Variants in ASCC3 observed in about 807,000 individuals in gnomAD.
The protein encoded by ASCC3 is activating signal cointegrator 1 complex subunit 3.
ASCC3 carries 158 observed loss-of-function variants against 256.3 expected under a neutral mutation model. The ratio of observed to expected loss-of-function variants is 0.62; its 90% CI spans 0.54 to 0.70. The LOEUF is 0.70. Ranked by LOEUF, ASCC3 falls within the 30% of genes least tolerant of loss-of-function variation. ASCC3 has a pLI of 0.00. For missense variants in ASCC3, 2,259 were observed against 2,626.0 expected, an observed-to-expected ratio of 0.86 and a Z score of 3.05; for synonymous variants, 948 against 883.4, an observed-to-expected ratio of 1.07 and a Z score of -1.30.
chr6:100,821,885 C>T (rs1289589819), intron 4 of ASCC3, among the ~76,000 whole-genome samples: 1 of 151,908 alleles, frequency 6.6e-6, no homozygotes, highest in African/African-American at 2.4e-5. Flanking sequence ...ACTATGAAAA[C>T]GTTTTGCTAA....
intron 10 of ASCC3, among the ~76,000 whole-genome samples, chr6:100,745,503 CCA>C (rs1456841917): frequency 3.2e-4 from 3 of 9,330 alleles, no homozygotes; most frequent in Non-Finnish European, 2.3e-3. Flanking sequence ...AAAAACCTAA[CCA>C]AAAAAAAAAA....
intron 41 of ASCC3, 83 bp from the exon 42 acceptor site, chr6:100,509,616 G>A: frequency 7.2e-7 from 1 of 1,387,084 alleles, no homozygotes; most frequent in Non-Finnish European, 1.0e-6. Context: ...TTTGGTAGTA[G>A]GAGGCTGGGT....
intron 4 of ASCC3, among the ~76,000 whole-genome samples, chr6:100,815,029 G>A (rs1770671705): frequency 1.3e-5 from 2 of 151,814 alleles, no homozygotes; most frequent in African/African-American, 2.4e-5. Context: ...GTGATGTTAG[G>A]TTGTTAAATT....
intron 36 of ASCC3, among the ~76,000 whole-genome samples, chr6:100,581,044 G>A (rs1383282145): frequency 2.6e-5 from 4 of 151,984 alleles, no homozygotes; most frequent in African/African-American, 9.7e-5. Flanking sequence ...ATAAACATAC[G>A]TGTGCATGTG....
At chr6:100,702,204 C>T (rs1778389674) in intron 13 of ASCC3, among the ~76,000 whole-genome samples, 1 of 151,696 alleles carries the variant, frequency 6.6e-6, no homozygotes, top group Admixed American at 6.6e-5. Flanking sequence ...GTAGTGGTGG[C>T]AGAAAGAGGA....
chr6:100,671,657 T>G (rs994117040), intron 14 of ASCC3, among the ~76,000 whole-genome samples: 1 of 151,988 alleles, frequency 6.6e-6, no homozygotes, highest in African/African-American at 2.4e-5. Flanking sequence ...GCTAAGATAA[T>G]CCATCAGCAC....
chr6:100,796,010 G>C (rs971929812), intron 8 of ASCC3, among the ~76,000 whole-genome samples: 8 of 152,006 alleles, frequency 5.3e-5, no homozygotes, highest in Non-Finnish European at 2.9e-5. Flanking sequence ...ATAGCAAATG[G>C]TTTATTTATT....
intron 8 of ASCC3, among the ~76,000 whole-genome samples, chr6:100,777,740 G>A (rs769120523): frequency 2.6e-5 from 4 of 152,094 alleles, no homozygotes; most frequent in Non-Finnish European, 4.4e-5. Context: ...AATGTTGAAG[G>A]AACTGTACAG....
intron 25 of ASCC3, among the ~76,000 whole-genome samples, chr6:100,632,588 T>A (rs1311488265): frequency 6.6e-6 from 1 of 152,014 alleles, no homozygotes; most frequent in Non-Finnish European, 1.5e-5. Flanking sequence ...GCTACAGTAA[T>A]CATAACAGTG....
chr6:100,872,470 G>GA (rs1463377053), intron 1 of ASCC3, among the ~76,000 whole-genome samples: 4 of 125,514 alleles, frequency 3.2e-5, no homozygotes, highest in East Asian at 5.7e-4. Flanking sequence ...AAAAAGGGTC[G>GA]GGGGGGGATC....
chr6:100,690,900 T>C (rs928067193), intron 13 of ASCC3, among the ~76,000 whole-genome samples: 2 of 152,132 alleles, frequency 1.3e-5, no homozygotes, highest in Non-Finnish European at 2.9e-5. Flanking sequence ...CAGGTTATTA[T>C]TACTGAATTA....
chr6:100,848,211 ATCT>A lies in ASCC3; in HGVS notation c.735_737del (p.Glu245del), dbSNP rs1424479530. 1 of 1,613,478 alleles carries A rather than the reference ATCT, an allele frequency of 6.2e-7. No homozygotes were observed. Among genetic ancestry groups the A allele is most frequent in the Non-Finnish European group, 8.5e-7 (1 of 1,179,822 alleles). On this transcript the variant is annotated inframe_deletion, in exon 4 of 42. Transcript: ENST00000369162. Reference sequence around the variant, plus strand: ...GCATATCATATAAAGTACAGCAAAGATCTTCTACTCTTGGCACTTCAGTCATTT... The same window carrying A: ...GCATATCATATAAAGTACAGCAAAGATCTACTCTTGGCACTTCAGTCATTT...
chr6:100,595,871 T>C (rs1772266347), intron 34 of ASCC3, among the ~76,000 whole-genome samples: 1 of 152,228 alleles, frequency 6.6e-6, no homozygotes, highest in African/African-American at 2.4e-5. Context: ...ACAACTTTAT[T>C]AATTCCAATT....
At chr6:100,549,242 A>C (rs1769172775) in intron 36 of ASCC3, among the ~76,000 whole-genome samples, 1 of 152,020 alleles carries the variant, frequency 6.6e-6, no homozygotes, top group Admixed American at 6.6e-5. Context: ...CTGAAAAAGT[A>C]TCTTGAATAT....
chr6:100,729,126 C>A (rs1205550090), intron 10 of ASCC3, among the ~76,000 whole-genome samples: 3 of 151,998 alleles, frequency 2.0e-5, no homozygotes, highest in African/African-American at 7.3e-5. Flanking sequence ...AAGACTGGTA[C>A]TTTAACAACA....
chr6:100,779,907 T>C (rs544224242), intron 8 of ASCC3, among the ~76,000 whole-genome samples: 1 of 152,178 alleles, frequency 6.6e-6, no homozygotes, highest in South Asian at 2.1e-4. Context: ...ACCCTAATCA[T>C]AGAGAAATCT....
intron 3 of ASCC3, among the ~76,000 whole-genome samples, chr6:100,863,144 A>G (rs1400015942): frequency 6.6e-6 from 1 of 152,226 alleles, no homozygotes; most frequent in African/African-American, 2.4e-5. Context: ...AATAGTGTTA[A>G]TTATGCTTTT....
chr6:100,848,009 T>C (rs1772464376), intron 4 of ASCC3, 139 bp downstream of exon 4: 3 of 808,208 alleles, frequency 3.7e-6, no homozygotes, highest in East Asian at 2.7e-5. Flanking sequence ...AGGCCTGCTA[T>C]GTGAAACCAT....
Position 100,564,116 on chromosome 6 carries a change from T to C in ASCC3, c.5551-23729A>G, listed in dbSNP as rs148311244. ...TTTTTATTTTTTCAGTTTTTACTTA[T>C]GTATAATAGTTGTACATATTCATGG... On this transcript the variant is annotated intron_variant, in intron 36 of 41. Coordinates refer to ENST00000369162, the MANE Select transcript of ASCC3 (RefSeq NM_006828.4). 2.6e-4 allele frequency among the ~76,000 whole-genome samples: 40 copies of C among 152,194 alleles called. 2 individuals carry two copies. In the East Asian group the frequency reaches 7.3e-3, roughly 28 times the overall value.
Sources: allele counts gnomAD v4.1 joint callset (sites outside exome capture counted in the v4.1 genomes callset), GRCh38; gene constraint gnomAD v4.1.1; transcripts MANE v1.5; gene names NCBI Gene and HGNC (gene_info 2026-07-23, HGNC 2026-07-21).